SHB: variants seen among roughly 807,000 people sequenced by gnomAD.
SHB encodes the protein SH2 domain containing adaptor protein B.
In SHB, 20 loss-of-function variants were observed where a neutral mutation model predicts 52.3. The observed-to-expected ratio is 0.38, with a 90% CI of 0.27 to 0.56. The LOEUF (loss-of-function observed/expected upper bound fraction) is 0.56. Among genes scored for constraint, SHB ranks in the 20% least tolerant of loss-of-function variants. The probability of loss-of-function intolerance (pLI) is 0.71; values close to 1 mark genes in which losing one functional copy is unlikely to be tolerated. For missense variants in SHB, 825 were observed against 723.3 expected (o/e 1.14, Z -1.61); for synonymous variants, 397 against 316.5 (o/e 1.25, Z -2.70).
chr9:37,939,345 C>A (rs1295532461), intron 5 of SHB, among the ~76,000 whole-genome samples: 1 of 152,240 alleles, frequency 6.6e-6, no homozygotes. Flanking sequence ...CTCTGCCCCT[C>A]CCTGACAACA....
chr9:38,041,614 G>A (rs1280240687), intron 1 of SHB, among the ~76,000 whole-genome samples: 21 of 152,146 alleles, frequency 1.4e-4, no homozygotes, highest in Non-Finnish European at 7.4e-5. Context: ...ACCTCATTGG[G>A]GGTGGTGGTG....
At chr9:37,962,027 G>T (rs1832697170) in intron 3 of SHB, among the ~76,000 whole-genome samples, 1 of 152,204 alleles carries the variant, frequency 6.6e-6, no homozygotes, top group Non-Finnish European at 1.5e-5. Flanking sequence ...AGGAGGACCT[G>T]GGTTTGAATC....
intron 2 of SHB, among the ~76,000 whole-genome samples, chr9:37,986,812 G>A (rs1715368552): frequency 1.3e-5 from 2 of 152,200 alleles, no homozygotes; most frequent in Admixed American, 6.5e-5. Context: ...AGAGAGCCAG[G>A]GCCCAGCAGG....
At chr9:38,065,057 G>T (rs1821943482) in intron 1 of SHB, among the ~76,000 whole-genome samples, 1 of 152,192 alleles carries the variant, frequency 6.6e-6, no homozygotes, top group Non-Finnish European at 1.5e-5. Context: ...TGAGGCTGCA[G>T]TGAGCCATAA....
rs746299964 is a variant in SHB at position 38,068,576 on chromosome 9, G to A, written c.70C>T (p.Arg24Trp). ...CGCCGCTGCTCGCGGTAGTCTGGCCGCGGCGGCTGCGGGGGGCTCTTGGTC... is the reference window on the plus strand; with the variant it reads ...CGCCGCTGCTCGCGGTAGTCTGGCCACGGCGGCTGCGGGGGGCTCTTGGTC... ...SKTKSPPQPP[R>W]PDYREQRRRG... The change falls in exon 1 of 6, where the codon CGG (arginine) becomes TGG (tryptophan). Residue 24 changes from arginine (R) to tryptophan (W), a missense_variant. Transcript: ENST00000377707. 27 of 1,488,510 alleles carry A rather than the reference G, an allele frequency of 1.8e-5. 1 individual carries two copies. The highest frequency in any genetic ancestry group is 4.0e-4 in the Middle Eastern group (2 of 4,948). 92.2% of individuals were successfully genotyped at this position (1,488,510 alleles called of 1,614,324 possible).
intron 2 of SHB, among the ~76,000 whole-genome samples, chr9:37,980,702 A>G (rs1820714073): frequency 6.6e-6 from 1 of 152,226 alleles, no homozygotes; most frequent in Non-Finnish European, 1.5e-5. Flanking sequence ...TCTGGCAGCT[A>G]TAGCCTTATG....
At chr9:37,983,700 C>G (rs901341791) in intron 2 of SHB, among the ~76,000 whole-genome samples, 12 of 152,236 alleles carry the variant, frequency 7.9e-5, no homozygotes, top group African/African-American at 2.9e-4. Flanking sequence ...CCCAGGAAAC[C>G]TCTATTCTGC....
At chr9:37,952,343 C>T (rs928109365) in intron 4 of SHB, among the ~76,000 whole-genome samples, 1 of 152,028 alleles carries the variant, frequency 6.6e-6, no homozygotes, top group Non-Finnish European at 1.5e-5. Context: ...AAGAAAACAT[C>T]TCTGCAAAAC....
intron 2 of SHB, among the ~76,000 whole-genome samples, chr9:37,977,271 G>A (rs1421688289): frequency 2.0e-5 from 3 of 152,186 alleles, no homozygotes; most frequent in African/African-American, 7.2e-5. Flanking sequence ...CTGGGAAGCT[G>A]AGCGTGGGGC....
At chr9:38,030,629 C>G (rs1024805307) in intron 1 of SHB, among the ~76,000 whole-genome samples, 1 of 152,142 alleles carries the variant, frequency 6.6e-6, no homozygotes, top group African/African-American at 2.4e-5. Context: ...TCGCAAAAGG[C>G]CCCTGCACTT....
At chr9:37,945,999 G>C (rs1832486632) in intron 5 of SHB, among the ~76,000 whole-genome samples, 1 of 152,150 alleles carries the variant, frequency 6.6e-6, no homozygotes, top group African/African-American at 2.4e-5. Flanking sequence ...CAAACTGCAG[G>C]GCTGACCCCA....
chr9:38,068,127 C>A lies in SHB; in HGVS notation c.519G>T (p.Pro173=), dbSNP rs1408091352. 4 of 1,452,042 alleles carry A rather than the reference C, an allele frequency of 2.8e-6. No individual in the cohort carries two copies. Among genetic ancestry groups the A allele is most frequent in the South Asian group, 1.4e-5 (1 of 69,346 alleles). 89.9% of individuals were successfully genotyped at this position (1,452,042 alleles called of 1,614,324 possible). The stretch of plus-strand genomic sequence containing the variant: ...TGGGGGAGATGTAGCGCACCTCGGC[C>A]GGCGTGGCGGGCCGCCGCTCGCTGC... ...RSSSERRPAT[P]AEVRYISPKH... Residue 173 remains proline, a synonymous_variant, in exon 1 of 6, where the codon CCG becomes CCT. Coordinates refer to ENST00000377707, the MANE Select transcript of SHB (RefSeq NM_003028.3).
chr9:38,053,240 G>T lies in SHB; in HGVS notation c.717+14689C>A, dbSNP rs114205953. ...CTCAGTTTCTCCATCTGCAAAATCA[G>T]ACTCTTTTTTTTTTTGAGATGGAGT... On this transcript the variant is annotated intron_variant, in intron 1 of 5. Coordinates refer to ENST00000377707, the MANE Select transcript of SHB (RefSeq NM_003028.3). Among the ~76,000 whole-genome samples the T allele has an allele frequency of 4.4e-3, 664 of 152,034 alleles. 10 individuals carry two copies. The highest frequency in any genetic ancestry group is 0.015 in the African/African-American group (641 of 41,462).
intron 4 of SHB, among the ~76,000 whole-genome samples, chr9:37,948,995 C>T (rs1832528087): frequency 1.3e-5 from 2 of 152,198 alleles, no homozygotes; most frequent in African/African-American, 2.4e-5. Flanking sequence ...AGGCCACAGA[C>T]ACTCAAGTCA....
chr9:38,056,087 T>C (rs934772654), intron 1 of SHB, among the ~76,000 whole-genome samples: 1 of 152,176 alleles, frequency 6.6e-6, no homozygotes, highest in Non-Finnish European at 1.5e-5. Flanking sequence ...TTCATCATCA[T>C]TATCATAATC....
At chr9:38,005,903 G>A (rs576466800) in intron 2 of SHB, among the ~76,000 whole-genome samples, 1 of 152,112 alleles carries the variant, frequency 6.6e-6, no homozygotes, top group Non-Finnish European at 1.5e-5. Flanking sequence ...GTGGCCCCCA[G>A]GTCCCTGGAA....
rs561718500 is a variant in SHB at position 37,920,098 on chromosome 9, A to G, written c.1347-94T>C. 2.1e-5 allele frequency: 21 copies of G among 1,008,680 alleles called. 1 individual carries two copies. The South Asian group carries it at 3.0e-4, about 14-fold the overall frequency. The allele number at this position is 1,008,680 out of a possible 1,614,324, so 62.5% of individuals were successfully genotyped here. A position where few individuals can be genotyped will look rare whatever the true frequency, so the allele number is the denominator to read the frequency against. On this transcript the variant is annotated intron_variant, in intron 5 of 5. Coordinates refer to ENST00000377707, the MANE Select transcript of SHB (RefSeq NM_003028.3). ...AGCTGTCTGGGACAGAAGGGATCCC[A>G]GCCATGAAGTGGCTGTGAGCTGCAC... is the stretch of plus-strand genomic sequence containing the variant.
At chr9:37,938,262 G>C (rs987620126) in intron 5 of SHB, among the ~76,000 whole-genome samples, 8 of 152,138 alleles carry the variant, frequency 5.3e-5, no homozygotes, top group African/African-American at 1.9e-4. Flanking sequence ...CTGGCTGGTA[G>C]GAATGGTGGG....
At position 37,919,791 on chromosome 9, in the gene SHB, C is replaced by A; in HGVS notation, c.*30G>T. The A allele has an allele frequency of 6.3e-7, 1 of 1,595,946 alleles. No homozygotes were observed. The highest frequency in any genetic ancestry group is 8.6e-7 in the Non-Finnish European group (1 of 1,166,422). ...CTCTGGCACCTCCAAGTCTCAGGCT[C>A]TGTCACAGAGCAGGGCAGGTCTGGT... is the stretch of plus-strand genomic sequence containing the variant. On this transcript the variant is annotated 3_prime_UTR_variant, in exon 6 of 6. Transcript: ENST00000377707.
Sources: gnomAD v4.1 joint callset for allele counts (sites outside exome capture counted in the v4.1 genomes callset) on GRCh38, gnomAD v4.1.1 for gene constraint, MANE v1.5 for transcripts, NCBI Gene and HGNC (gene_info 2026-07-23, HGNC 2026-07-21) for gene names.